NCKAP5: variants seen among roughly 807,000 people sequenced by gnomAD.
The protein encoded by NCKAP5 is NCK associated protein 5.
NCKAP5 carries 92 observed loss-of-function variants against 167.0 expected under a neutral mutation model. The ratio of observed to expected loss-of-function variants is 0.55; its 90% CI spans 0.47 to 0.66. NCKAP5 has a LOEUF of 0.66. Ranked by LOEUF, NCKAP5 falls within the 30% of genes least tolerant of loss-of-function variation. The pLI is 0.00. For missense variants in NCKAP5, 2,378 were observed against 2,315.0 expected, an observed-to-expected ratio of 1.03 and a Z score of -0.56; for synonymous variants, 891 against 877.4, an observed-to-expected ratio of 1.02 and a Z score of -0.27.
chr2:133,295,076 G>A (rs1679867839), intron 4 of NCKAP5, among the ~76,000 whole-genome samples: 3 of 152,122 alleles, frequency 2.0e-5, no homozygotes, highest in Admixed American at 1.3e-4. Flanking sequence ...TTCCCCTCAG[G>A]AAATTAGTGA....
At chr2:133,475,490 T>A (rs1040573349) in intron 3 of NCKAP5, among the ~76,000 whole-genome samples, 1 of 152,224 alleles carries the variant, frequency 6.6e-6, no homozygotes, top group Non-Finnish European at 1.5e-5. Flanking sequence ...ATTAACTTCT[T>A]TTTTTCTTAT....
chr2:133,490,465 G>T (rs1681343641), intron 3 of NCKAP5, among the ~76,000 whole-genome samples: 1 of 152,168 alleles, frequency 6.6e-6, no homozygotes, highest in Non-Finnish European at 1.5e-5. Flanking sequence ...GTTATGTGGA[G>T]AAAAGTACAA....
chr2:133,339,934 T>C (rs1683461105), intron 3 of NCKAP5, among the ~76,000 whole-genome samples: 1 of 152,194 alleles, frequency 6.6e-6, no homozygotes, highest in East Asian at 1.9e-4. Context: ...TCTTTGGTTT[T>C]ACATATATGG....
chr2:132,848,047 G>A (rs1688801667), intron 11 of NCKAP5, among the ~76,000 whole-genome samples: 1 of 152,152 alleles, frequency 6.6e-6, no homozygotes, highest in South Asian at 2.1e-4. Context: ...AACCTGCTTT[G>A]GAGAAGTTAA....
chr2:132,752,395 C>T (rs1680190855), intron 16 of NCKAP5, among the ~76,000 whole-genome samples: 1 of 152,182 alleles, frequency 6.6e-6, no homozygotes, highest in Non-Finnish European at 1.5e-5. Context: ...GAGCTTTGTT[C>T]CACATGAACT....
Position 132,804,811 on chromosome 2 carries a change from T to A in NCKAP5, c.808-8082A>T, listed in dbSNP as rs148116892. On this transcript the variant is annotated intron_variant, in intron 11 of 19. Coordinates refer to ENST00000409261, the MANE Select transcript of NCKAP5 (RefSeq NM_207363.3). ...AAGATGACAGAAGCGAAGGAAGGCA[T>A]CTGAAGTCACAATGCTACATATATT... is the stretch of plus-strand genomic sequence containing the variant. Among the ~76,000 whole-genome samples the A allele has an allele frequency of 1.4e-3, 215 of 152,162 alleles. 1 individual carries two copies. Among genetic ancestry groups the A allele is most frequent in the African/African-American group, 4.9e-3 (204 of 41,538 alleles).
intron 3 of NCKAP5, among the ~76,000 whole-genome samples, chr2:133,463,232 ATAC>A (rs2151241716): frequency 6.6e-6 from 1 of 152,304 alleles, no homozygotes; most frequent in South Asian, 2.1e-4. Flanking sequence ...CATTTTTTAG[ATAC>A]AAATCAGGTT....
chr2:133,506,773 A>G (rs1195311195), intron 3 of NCKAP5, among the ~76,000 whole-genome samples: 1 of 151,620 alleles, frequency 6.6e-6, no homozygotes, highest in Non-Finnish European at 1.5e-5. Context: ...CCTTTATTAA[A>G]CTCTCCTCCA....
intron 11 of NCKAP5, among the ~76,000 whole-genome samples, chr2:132,815,732 G>A (rs1686217711): frequency 6.6e-6 from 1 of 152,124 alleles, no homozygotes; most frequent in African/African-American, 2.4e-5. Flanking sequence ...ACCAAGCCCA[G>A]TGCATCATCA....
chr2:133,645,654 G>C, the NCKAP5 span, among the ~76,000 whole-genome samples: 28 of 152,176 alleles, frequency 1.8e-4, 2 homozygotes, highest in Admixed American at 1.8e-3. Context: ...TTATAGAGTT[G>C]TTGTAAGTAT....
At chr2:133,553,345 A>T (rs1179205889) in intron 2 of NCKAP5, among the ~76,000 whole-genome samples, 1 of 152,190 alleles carries the variant, frequency 6.6e-6, no homozygotes, top group African/African-American at 2.4e-5. Context: ...TCACTTATTA[A>T]AGGCTTCCAA....
chr2:133,481,451 TTTTAA>T (rs1680422158), intron 3 of NCKAP5, among the ~76,000 whole-genome samples: 1 of 152,236 alleles, frequency 6.6e-6, no homozygotes, highest in South Asian at 2.1e-4. Context: ...TTTTTAAGAC[TTTTAA>T]GTTCAGTATA....
At chr2:132,910,844 T>C (rs1694391348) in intron 8 of NCKAP5, among the ~76,000 whole-genome samples, 1 of 152,228 alleles carries the variant, frequency 6.6e-6, no homozygotes, top group South Asian at 2.1e-4. Flanking sequence ...TACCAAACAA[T>C]GGCCAAAGAA....
intron 4 of NCKAP5, among the ~76,000 whole-genome samples, chr2:133,232,369 A>AT (rs2087192253): frequency 6.6e-6 from 1 of 152,204 alleles, no homozygotes; most frequent in Non-Finnish European, 1.5e-5. Context: ...TCGGAATTCC[A>AT]TTTAAAAAAT....
At chr2:132,902,099 T>C (rs985786524) in intron 8 of NCKAP5, among the ~76,000 whole-genome samples, 8 of 152,238 alleles carry the variant, frequency 5.3e-5, no homozygotes, top group African/African-American at 1.9e-4. Context: ...TGAATCACCA[T>C]GATAATAAAC....
chr2:133,577,390 T>C, the NCKAP5 span, among the ~76,000 whole-genome samples: 1 of 152,184 alleles, frequency 6.6e-6, no homozygotes, highest in Non-Finnish European at 1.5e-5. Context: ...CCCTATAGCA[T>C]TGTAATGTTT....
At chr2:133,081,679 A>G (rs1484125863) in intron 6 of NCKAP5, among the ~76,000 whole-genome samples, 1 of 152,202 alleles carries the variant, frequency 6.6e-6, no homozygotes, top group African/African-American at 2.4e-5. Flanking sequence ...GGTGAGATGG[A>G]TACAACATTA....
chr2:132,719,002 G>T (rs1435008889), intron 19 of NCKAP5, among the ~76,000 whole-genome samples: 1 of 152,172 alleles, frequency 6.6e-6, no homozygotes, highest in Admixed American at 6.5e-5. Context: ...CCTGCTGGGG[G>T]TAAAGTCTGA....
At chr2:133,159,672 G>T (rs1051789095) in intron 5 of NCKAP5, among the ~76,000 whole-genome samples, 7 of 152,142 alleles carry the variant, frequency 4.6e-5, no homozygotes, top group Admixed American at 4.6e-4. Flanking sequence ...AGTCAATGAG[G>T]CTCATGGTAG....
Sources: gnomAD v4.1 joint callset for allele counts (sites outside exome capture counted in the v4.1 genomes callset) on GRCh38, gnomAD v4.1.1 for gene constraint, MANE v1.5 for transcripts, NCBI Gene and HGNC (gene_info 2026-07-23, HGNC 2026-07-21) for gene names.